Variants in DNAJC18 observed in about 807,000 individuals in gnomAD.
DNAJC18 encodes the protein DnaJ heat shock protein family (Hsp40) member C18.
A neutral mutation model predicts 48.6 loss-of-function variants in DNAJC18; 40 were observed. The ratio of observed to expected loss-of-function variants is 0.82; its 90% CI spans 0.64 to 1.07. The LOEUF (loss-of-function observed/expected upper bound fraction) is 1.07. DNAJC18 is among the 50% of genes least tolerant of loss of function. The probability of loss-of-function intolerance (pLI) is 0.00; values close to 1 mark genes in which losing one functional copy is unlikely to be tolerated. For missense variants in DNAJC18, 340 were observed against 427.7 expected, an observed-to-expected ratio of 0.79 and a Z score of 1.81; for synonymous variants, 135 against 152.2, an observed-to-expected ratio of 0.89 and a Z score of 0.83.
chr5:139,435,624 T>C (rs1432029520), intron 2 of DNAJC18, among the ~76,000 whole-genome samples: 1 of 151,750 alleles, frequency 6.6e-6, no homozygotes, highest in Non-Finnish European at 1.5e-5. Context: ...TCTTATGATA[T>C]TTTTGTCTGG....
In DNAJC18 at chr5:139,422,705, T is replaced by TA. The variant is rs755688907; in HGVS notation, c.779+2dup. On this transcript the variant is annotated splice_region_variant and intron_variant, in intron 6 of 7. Coordinates refer to ENST00000302060, the MANE Select transcript of DNAJC18 (RefSeq NM_152686.4). ...GAGAAAGATTTAGAAATACCAGACT[T>TA]ACGATTTATAGAACAGACTATATGG... 8 of 1,588,946 alleles carry TA rather than the reference T, an allele frequency of 5.0e-6. No homozygotes were observed. Among genetic ancestry groups the TA allele is most frequent in the Non-Finnish European group, 6.9e-6 (8 of 1,165,796 alleles).
intron 5 of DNAJC18, 125 bp from the exon 6 acceptor site, chr5:139,422,942 T>C: frequency 2.0e-6 from 1 of 494,416 alleles, no homozygotes; most frequent in South Asian, 2.3e-5. Context: ...TTCACGCCAT[T>C]CTCCTGCCTC....
At chr5:139,428,790 T>G in intron 2 of DNAJC18, 107 bp from the exon 3 acceptor site, 1 of 1,345,060 alleles carries the variant, frequency 7.4e-7, no homozygotes, top group Non-Finnish European at 1.0e-6. Context: ...AAAACAAACC[T>G]ATAAGAAAAT....
At chr5:139,415,279 C>T (rs1006451301) in intron 7 of DNAJC18, among the ~76,000 whole-genome samples, 3 of 152,156 alleles carry the variant, frequency 2.0e-5, no homozygotes, top group Non-Finnish European at 2.9e-5. Flanking sequence ...TGCCTGGAAA[C>T]GGAATTATTA....
In DNAJC18 at chr5:139,412,650, T is replaced by C; in HGVS notation, c.*1498A>G. 1 of 398,518 alleles carries C rather than the reference T, an allele frequency of 2.5e-6. No individual in the cohort carries two copies. Among genetic ancestry groups the C allele is most frequent in the East Asian group, 3.6e-5 (1 of 28,074 alleles). The allele number at this position is 398,518 out of a possible 1,614,324, so 24.7% of individuals were successfully genotyped here. A position where few individuals can be genotyped will look rare whatever the true frequency, so the allele number is the denominator to read the frequency against. On this transcript the variant is annotated 3_prime_UTR_variant, in exon 8 of 8. Transcript: ENST00000302060. ...AATGATCCTTCCAAGTTCAGAGTCA[T>C]GATAATTCAGGCAGCTCAGCTCCAC...
In DNAJC18 at chr5:139,420,240, G is replaced by T; in HGVS notation, c.780-15C>A. The T allele has an allele frequency of 6.3e-7, 1 of 1,598,092 alleles. No individual in the cohort carries two copies. Among genetic ancestry groups the T allele is most frequent in the South Asian group, 1.1e-5 (1 of 87,462 alleles). On this transcript the variant is annotated splice_polypyrimidine_tract_variant and intron_variant, in intron 6 of 7. Transcript: ENST00000302060. The stretch of plus-strand genomic sequence containing the variant: ...AGCCCAAGGTCCTGAAACAAGGAGA[G>T]AGAGGCTCATGTGAGCTCATAATAT...
intron 5 of DNAJC18, among the ~76,000 whole-genome samples, chr5:139,423,442 T>C (rs1408075595): frequency 6.7e-6 from 1 of 150,360 alleles, no homozygotes; most frequent in Non-Finnish European, 1.5e-5. Context: ...CAGGCTAGAG[T>C]ACAGTGACAC....
intron 7 of DNAJC18, among the ~76,000 whole-genome samples, chr5:139,418,444 T>C (rs780908874): frequency 3.3e-4 from 50 of 152,252 alleles, no homozygotes; most frequent in Admixed American, 3.1e-3. Flanking sequence ...GCCTGGCCTA[T>C]ATACTGCCTT....
intron 6 of DNAJC18, 151 bp downstream of exon 6, chr5:139,422,557 G>T: frequency 1.6e-6 from 1 of 629,472 alleles, no homozygotes; most frequent in East Asian, 3.2e-5. Flanking sequence ...TTGAGTCTCA[G>T]CACCATGACT....
chr5:139,422,857 C>CTT (rs374000334), intron 5 of DNAJC18, 40 bp from the exon 6 acceptor site: 1,793 of 1,152,082 alleles, frequency 1.6e-3, no homozygotes, highest in East Asian at 2.9e-3. Flanking sequence ...TGTAAGTGTT[C>CTT]TTTTTTTTTT....
rs112727544 is a variant in DNAJC18 at position 139,439,472 on chromosome 5, G to A, written c.-27C>T. Reference sequence around the variant, plus strand: ...TCGGTTCCCAATCAGCAGGTCCGCCGAGCCTCCCCCGTGCCCGAGGCTGAA... The same window carrying A: ...TCGGTTCCCAATCAGCAGGTCCGCCAAGCCTCCCCCGTGCCCGAGGCTGAA... On this transcript the variant is annotated 5_prime_UTR_variant, in exon 1 of 8. Coordinates refer to ENST00000302060, the MANE Select transcript of DNAJC18 (RefSeq NM_152686.4). This position sits in a 1 kb window ranked among gnomAD's most constrained non-coding sequence, Gnocchi z 4.1. 5.0e-6 allele frequency: 8 copies of A among 1,613,606 alleles called. No homozygotes were observed. Among genetic ancestry groups the A allele is most frequent in the African/African-American group, 4.0e-5 (3 of 74,896 alleles).
chr5:139,419,853 T>C (rs1483146492), intron 7 of DNAJC18, among the ~76,000 whole-genome samples, 200 bp downstream of exon 7: 1 of 152,122 alleles, frequency 6.6e-6, no homozygotes, highest in Non-Finnish European at 1.5e-5. Context: ...ATTCCTAAGA[T>C]TTCCAAGTCC....
At position 139,439,312 on chromosome 5, in the gene DNAJC18, A is replaced by G; in HGVS notation, c.40+94T>C. 6.3e-7 allele frequency: 1 copy of G among 1,590,530 alleles called. No individual in the cohort carries two copies. Among genetic ancestry groups the G allele is most frequent in the South Asian group, 1.1e-5 (1 of 89,680 alleles). On this transcript the variant is annotated intron_variant, in intron 1 of 7. Coordinates refer to ENST00000302060, the MANE Select transcript of DNAJC18 (RefSeq NM_152686.4). The surrounding 1 kb of genome is among the most constrained non-coding windows in gnomAD (Gnocchi z 4.1). ...CACAGGCCTCTATCCATCACCTCAG[A>G]CCCAGGATCTCAGCCCTTGTGCGTC...
In DNAJC18 at chr5:139,437,380, C is replaced by T; in HGVS notation, c.219G>A (p.Gly73=). 6.2e-7 allele frequency: 1 copy of T among 1,608,798 alleles called. No homozygotes were observed. Among genetic ancestry groups the T allele is most frequent in the Non-Finnish European group, 8.5e-7 (1 of 1,177,848 alleles). ...NSTYSEEQLL[G]VQRIKKCRNY... ...TCTCACCACATGCTCACCTTTGTAC[C>T]CCAAGCAGCTGTTCCTCACTATACG... The change falls in exon 2 of 8, where the codon GGG becomes GGA. Residue 73 remains glycine (G), a synonymous_variant. Coordinates refer to ENST00000302060, the MANE Select transcript of DNAJC18 (RefSeq NM_152686.4).
At chr5:139,428,502 A>G in intron 3 of DNAJC18, 36 bp downstream of exon 3, 1 of 1,589,174 alleles carries the variant, frequency 6.3e-7, no homozygotes, top group South Asian at 1.2e-5. Flanking sequence ...ACCAACCATG[A>G]CAAGGGCACC....
At chr5:139,432,887 C>T (rs1280586836) in intron 2 of DNAJC18, among the ~76,000 whole-genome samples, 2 of 152,196 alleles carry the variant, frequency 1.3e-5, no homozygotes, top group Non-Finnish European at 2.9e-5. Flanking sequence ...CCTATCCCTT[C>T]CTGCCTTATA....
intron 3 of DNAJC18, among the ~76,000 whole-genome samples, chr5:139,427,345 A>G (rs1186694016): frequency 2.7e-4 from 41 of 152,198 alleles, no homozygotes. Context: ...TTAAACATAC[A>G]ATCCGTAGCA....
chr5:139,427,203 A>G (rs1246307473), intron 3 of DNAJC18, among the ~76,000 whole-genome samples: 1 of 152,206 alleles, frequency 6.6e-6, no homozygotes, highest in Non-Finnish European at 1.5e-5. Flanking sequence ...AGTTTACTTT[A>G]GACAAATATT....
chr5:139,413,981 A>G lies in DNAJC18; in HGVS notation c.*167T>C. On this transcript the variant is annotated 3_prime_UTR_variant, in exon 8 of 8. Coordinates refer to ENST00000302060, the MANE Select transcript of DNAJC18 (RefSeq NM_152686.4). ...CCACTCCCCAGGAAGGATCCTGTGA[A>G]GACACATCTGGCTCTCGTGCCCATG... The G allele has an allele frequency of 1.0e-6, 1 of 955,098 alleles. No homozygotes were observed. Among genetic ancestry groups the G allele is most frequent in the Admixed American group, 3.1e-5 (1 of 32,478 alleles). 59.2% of individuals were successfully genotyped at this position (955,098 alleles called of 1,614,324 possible).
Sources: allele counts gnomAD v4.1 joint callset (sites outside exome capture counted in the v4.1 genomes callset), GRCh38; gene constraint gnomAD v4.1.1; non-coding constraint Gnocchi (gnomAD v3.1); transcripts MANE v1.5; gene names NCBI Gene and HGNC (gene_info 2026-07-23, HGNC 2026-07-21).